The following TTLL5 variants were observed in gnomAD, a reference collection of about 807,000 sequenced individuals.
TTLL5 encodes the protein tubulin polyglutamylase TTLL5.
Under a neutral mutation model 168.4 loss-of-function variants are expected in TTLL5, and 132 were observed. That is an observed-to-expected ratio of 0.78 (90% CI 0.68 to 0.91). The LOEUF is 0.91. Among genes scored for constraint, TTLL5 ranks in the 40% least tolerant of loss-of-function variants. The pLI is 0.00. For synonymous variants in TTLL5, 546 were observed against 558.6 expected (o/e 0.98, Z 0.32); for missense variants, 1,545 against 1,581.5 (o/e 0.98, Z 0.39).
At position 75,819,993 on chromosome 14, in the gene TTLL5, C is replaced by T. The variant is rs199868150; in HGVS notation, c.3172-14C>T. 5.9e-5 allele frequency: 93 copies of T among 1,583,454 alleles called. No homozygotes were observed. The highest frequency in any genetic ancestry group is 1.4e-4 in the South Asian group (12 of 86,018). On this transcript the variant is annotated splice_polypyrimidine_tract_variant and intron_variant, in intron 27 of 31. Coordinates refer to ENST00000298832, the MANE Select transcript of TTLL5 (RefSeq NM_015072.5). Reference sequence around the variant, plus strand: ...CTCTGTAAAGTCAGGTTATTTCCCTCGCTTTATTTCTAGGTAACAAACCTG... The same window carrying T: ...CTCTGTAAAGTCAGGTTATTTCCCTTGCTTTATTTCTAGGTAACAAACCTG...
chr14:75,682,154 C>T (rs1884664570), intron 4 of TTLL5, among the ~76,000 whole-genome samples: 1 of 148,920 alleles, frequency 6.7e-6, no homozygotes, highest in Admixed American at 6.7e-5. Flanking sequence ...CACACCACTG[C>T]ACTCCAGCCT....
chr14:75,705,702 T>A (rs1439178079), intron 7 of TTLL5, among the ~76,000 whole-genome samples: 2 of 152,228 alleles, frequency 1.3e-5, no homozygotes, highest in Non-Finnish European at 2.9e-5. Flanking sequence ...GTACATTTGT[T>A]AAATTTTGTG....
intron 29 of TTLL5, among the ~76,000 whole-genome samples, chr14:75,869,979 C>T (rs1368357675): frequency 6.6e-6 from 1 of 151,996 alleles, no homozygotes; most frequent in Non-Finnish European, 1.5e-5. Context: ...ACCACCACGC[C>T]AGGCTAATTT....
intron 31 of TTLL5, among the ~76,000 whole-genome samples, chr14:75,930,367 C>G (rs1011197645): frequency 6.6e-6 from 1 of 152,106 alleles, no homozygotes; most frequent in Non-Finnish European, 1.5e-5. Flanking sequence ...ATCTGAAATA[C>G]TCAAAAATCC....
At chr14:75,830,404 A>G (rs909506802) in intron 28 of TTLL5, among the ~76,000 whole-genome samples, 2 of 152,214 alleles carry the variant, frequency 1.3e-5, no homozygotes, top group Admixed American at 6.5e-5. Context: ...ACAATGTATT[A>G]TATACTTGAA....
At position 75,683,556 on chromosome 14, in the gene TTLL5, C is replaced by G; in HGVS notation, c.271C>G (p.Pro91Ala). The change falls in exon 5 of 32, where the codon CCA (proline) becomes GCA (alanine). Residue 91 changes from proline to alanine, a missense_variant. Pro to Ala is a conservative substitution (Grantham distance 27). Transcript: ENST00000298832. ...LTAHGFHEVH[P>A]SSTDYNLMWT... Reference sequence around the variant, plus strand: ...TCTTTCTGTCTGCCCTCAGGTTCACCCAAGCAGCACTGACTATAACCTAAT... The same window carrying G: ...TCTTTCTGTCTGCCCTCAGGTTCACGCAAGCAGCACTGACTATAACCTAAT... 6.2e-7 allele frequency: 1 copy of G among 1,613,554 alleles called. No homozygotes were observed. The highest frequency in any genetic ancestry group is 8.5e-7 in the Non-Finnish European group (1 of 1,179,672).
chr14:75,771,809 T>C lies in TTLL5; in HGVS notation c.2091T>C (p.Gly697=). ...TTCGCCTGATGAAAGACAGTGGCGGTCAGACGTTCAGTGCCAGTTGGGCTG... is the reference window on the plus strand; with the variant it reads ...TTCGCCTGATGAAAGACAGTGGCGGCCAGACGTTCAGTGCCAGTTGGGCTG... ...VQIRLMKDSG[G]QTFSASWAAK... The change falls in exon 21 of 32, where the codon GGT becomes GGC. Residue 697 remains glycine, a synonymous_variant. Transcript: ENST00000298832. 1 of 1,614,064 alleles carries C rather than the reference T, an allele frequency of 6.2e-7. No homozygotes were observed.
intron 20 of TTLL5, among the ~76,000 whole-genome samples, chr14:75,768,089 T>C (rs1595001153): frequency 6.6e-6 from 1 of 152,270 alleles, no homozygotes; most frequent in East Asian, 1.9e-4. Flanking sequence ...GATTGTATAG[T>C]TGGTAGGTAA....
chr14:75,914,033 A>AAAAAAAAAAAAAAAAAAAT, intron 31 of TTLL5, among the ~76,000 whole-genome samples: 1 of 71,116 alleles, frequency 1.4e-5, no homozygotes, highest in Non-Finnish European at 2.1e-5. Flanking sequence ...AAAAAAAAAA[A>AAAAAAAAAAAAAAAAAAAT]ATATATATAT....
Position 75,863,679 on chromosome 14 carries a change from A to G in TTLL5, c.3339A>G (p.Thr1113=), listed in dbSNP as rs1472952117. 13 of 1,609,862 alleles carry G rather than the reference A, an allele frequency of 8.1e-6. No individual in the cohort carries two copies. In the Admixed American group the frequency reaches 1.0e-4, roughly 12 times the overall value. The change falls in exon 29 of 32, where the codon ACA becomes ACG. Residue 1113 remains threonine, a synonymous_variant. Coordinates refer to ENST00000298832, the MANE Select transcript of TTLL5 (RefSeq NM_015072.5). ...CTTTTCTCTTCAGGAGCCTGCAGAC[A>G]GGGGGATTTGCCTGGGAAGGAGAAG... ...SSSPGSRSLQ[T]GGFAWEGEVE...
At chr14:75,722,035 T>A (rs1001790962) in intron 12 of TTLL5, among the ~76,000 whole-genome samples, 1 of 152,230 alleles carries the variant, frequency 6.6e-6, no homozygotes, top group Non-Finnish European at 1.5e-5. Flanking sequence ...CCTGAAAGGC[T>A]TCTAAGGTAA....
chr14:75,824,454 G>A (rs1385120952), intron 28 of TTLL5, among the ~76,000 whole-genome samples: 1 of 152,168 alleles, frequency 6.6e-6, no homozygotes, highest in African/African-American at 2.4e-5. Flanking sequence ...AACCTTGAGG[G>A]TCGTATGCTC....
intron 31 of TTLL5, among the ~76,000 whole-genome samples, chr14:75,945,294 G>C (rs569783498): frequency 1.3e-5 from 2 of 150,372 alleles, no homozygotes; most frequent in African/African-American, 4.9e-5. Context: ...GTCTTGCTCT[G>C]TCCCCAGGCT....
chr14:75,870,469 G>T (rs1265344769), intron 29 of TTLL5, among the ~76,000 whole-genome samples: 1 of 151,960 alleles, frequency 6.6e-6, no homozygotes, highest in Non-Finnish European at 1.5e-5. Context: ...AACAATCTTG[G>T]AAATGCCCAT....
At chr14:75,784,409 G>A (rs911519184) in intron 26 of TTLL5, among the ~76,000 whole-genome samples, 1 of 152,166 alleles carries the variant, frequency 6.6e-6, no homozygotes, top group South Asian at 2.1e-4. Context: ...GTTCATCCAC[G>A]TTGTAGTAGG....
chr14:75,855,302 G>T (rs1897077275), intron 28 of TTLL5, among the ~76,000 whole-genome samples: 2 of 152,132 alleles, frequency 1.3e-5, no homozygotes, highest in South Asian at 4.1e-4. Context: ...GTCTTTATCT[G>T]ATCAACCTAC....
At chr14:75,898,593 G>T (rs988814958) in intron 30 of TTLL5, among the ~76,000 whole-genome samples, 3 of 152,154 alleles carry the variant, frequency 2.0e-5, no homozygotes, top group Admixed American at 1.3e-4. Context: ...AGTGAGCTGT[G>T]ATTGTGCCAC....
intron 27 of TTLL5, chr14:75,814,713 T>C (rs1158729419): frequency 1.3e-5 from 2 of 152,230 alleles, no homozygotes; most frequent in Non-Finnish European, 2.9e-5. Context: ...TAGAGATAAT[T>C]TGCTTGGTGC....
intron 29 of TTLL5, among the ~76,000 whole-genome samples, chr14:75,865,447 A>G (rs1343497229): frequency 6.6e-6 from 1 of 152,128 alleles, no homozygotes; most frequent in Non-Finnish European, 1.5e-5. Context: ...TGGGCCACAG[A>G]ATAATGTGTG....
Sources: allele counts gnomAD v4.1 joint callset (sites outside exome capture counted in the v4.1 genomes callset), GRCh38; gene constraint gnomAD v4.1.1; transcripts MANE v1.5; gene names NCBI Gene and HGNC (gene_info 2026-07-23, HGNC 2026-07-21).